NAAA: variants seen among roughly 807,000 people sequenced by gnomAD.
The protein encoded by NAAA is N-acylethanolamine acid amidase.
In NAAA, 39 loss-of-function variants were observed where a neutral mutation model predicts 44.8. The ratio of observed to expected loss-of-function variants is 0.87; its 90% CI spans 0.67 to 1.14. The LOEUF (loss-of-function observed/expected upper bound fraction) is 1.14. Ranked by LOEUF, NAAA falls within the 50% of genes most tolerant of loss-of-function variation. The pLI is 0.00. For missense variants in NAAA, 460 were observed against 467.8 expected (o/e 0.98, Z 0.15); for synonymous variants, 178 against 191.3 (o/e 0.93, Z 0.58).
chr4:75,914,825 C>G, intron 10 of NAAA, 43 bp downstream of exon 10: 1 of 1,443,510 alleles, frequency 6.9e-7, no homozygotes, highest in Non-Finnish European at 9.7e-7. Flanking sequence ...AATACCAGCA[C>G]ACACCCACCT....
chr4:75,918,279 C>A (rs1223221189), intron 9 of NAAA, among the ~76,000 whole-genome samples: 1 of 152,134 alleles, frequency 6.6e-6, no homozygotes, highest in Admixed American at 6.6e-5. Flanking sequence ...CGGTGAAACC[C>A]TGTCCCTACT....
chr4:75,918,659 TG>T, intron 9 of NAAA, 101 bp downstream of exon 9: 1 of 1,202,834 alleles, frequency 8.3e-7, no homozygotes, highest in Non-Finnish European at 1.2e-6. Context: ...CCCCACAGCC[TG>T]GTTACAGGAG....
chr4:75,917,424 A>G (rs1000821780), intron 9 of NAAA: 1 of 152,286 alleles, frequency 6.6e-6, no homozygotes, highest in African/African-American at 2.4e-5. Flanking sequence ...TTATCCAAAT[A>G]GCTCATTTGT....
chr4:75,923,675 G>A (rs992781188), intron 5 of NAAA, among the ~76,000 whole-genome samples: 2 of 151,294 alleles, frequency 1.3e-5, no homozygotes, highest in South Asian at 4.2e-4. Context: ...AAGGGGCTGG[G>A]ATTACAGACA....
intron 3 of NAAA, among the ~76,000 whole-genome samples, chr4:75,932,898 G>A (rs1007510725): frequency 6.6e-6 from 1 of 152,082 alleles, no homozygotes; most frequent in South Asian, 2.1e-4. Context: ...ACTTTGGGAG[G>A]CCAAGGTAGG....
At chr4:75,919,540 G>A (rs1454021081) in intron 8 of NAAA, 8 of 274,778 alleles carry the variant, frequency 2.9e-5, no homozygotes, top group Admixed American at 5.4e-5. Flanking sequence ...GTGCAGTGGC[G>A]CAATCTCGGC....
At chr4:75,932,735 C>T (rs1727347285) in intron 3 of NAAA, among the ~76,000 whole-genome samples, 1 of 152,172 alleles carries the variant, frequency 6.6e-6, no homozygotes, top group African/African-American at 2.4e-5. Flanking sequence ...AACTCCTGGG[C>T]TCAAGCAATC....
At chr4:75,917,782 A>G in intron 9 of NAAA, 1 of 432,090 alleles carries the variant, frequency 2.3e-6, no homozygotes, top group Middle Eastern at 3.5e-4. Context: ...CACTTAAAAA[A>G]AAAAAAAAAA....
rs375088378 is a variant in NAAA at position 75,921,137 on chromosome 4, T to A, written c.667-14A>T. ...CTCACTCAGGGTCTGAACGAAAGGATGAACTTGCGTGAGCAACCCCACCTG... is the reference window on the plus strand; with the variant it reads ...CTCACTCAGGGTCTGAACGAAAGGAAGAACTTGCGTGAGCAACCCCACCTG... On this transcript the variant is annotated splice_polypyrimidine_tract_variant and intron_variant, in intron 5 of 10. Coordinates refer to ENST00000286733, the MANE Select transcript of NAAA (RefSeq NM_014435.4). 92 of 1,553,674 alleles carry A rather than the reference T, an allele frequency of 5.9e-5. No individual in the cohort carries two copies. In the African/African-American group the frequency reaches 1.0e-3, roughly 17 times the overall value.
At chr4:75,935,947 C>T in intron 3 of NAAA, 162 bp downstream of exon 3, 1 of 761,020 alleles carries the variant, frequency 1.3e-6, no homozygotes, top group Non-Finnish European at 2.1e-6. Context: ...TTCCTATAAG[C>T]ATAATTGATG....
chr4:75,935,482 G>A (rs28532601), intron 3 of NAAA: 31,285 of 152,178 alleles, frequency 0.21, 3,655 homozygotes, highest in East Asian at 0.35. Flanking sequence ...ATAAACAAAA[G>A]ATCTAAGTAT....
At chr4:75,922,317 G>T (rs1424578288) in intron 5 of NAAA, among the ~76,000 whole-genome samples, 1 of 151,228 alleles carries the variant, frequency 6.6e-6, no homozygotes, top group Non-Finnish European at 1.5e-5. Context: ...GATGAAGGTT[G>T]CAGTGAGCCG....
downstream of NAAA, among the ~76,000 whole-genome samples, chr4:75,910,708 C>A (rs569597746): frequency 6.6e-6 from 1 of 152,318 alleles, no homozygotes; most frequent in East Asian, 1.9e-4. Flanking sequence ...ACAAAAGACA[C>A]AAACTTGAAA....
rs375410270 is a variant in NAAA, at chr4:75,936,182, C to T, written c.425G>A (p.Arg142Gln). The T allele has an allele frequency of 1.2e-5, 19 of 1,613,834 alleles. No individual in the cohort carries two copies. The highest frequency in any genetic ancestry group is 4.0e-5 in the African/African-American group (3 of 74,866). ...QDSRGHIYHG[R>Q]NLDYPFGNVL... ...ATTCCCAAAAGGATAATCCAAATTC[C>T]GACCATGGTAAATGTGGCCTCTGGA... is the stretch of plus-strand genomic sequence containing the variant. The change falls in exon 3 of 11, where the codon CGG becomes CAG. Residue 142 changes from arginine (R) to glutamine (Q), a missense_variant. By Grantham distance (43) the Arg-to-Gln change is conservative (BLOSUM62 1). Coordinates refer to ENST00000286733, the MANE Select transcript of NAAA (RefSeq NM_014435.4).
At chr4:75,921,838 C>T (rs541141656) in intron 5 of NAAA, among the ~76,000 whole-genome samples, 46 of 152,166 alleles carry the variant, frequency 3.0e-4, no homozygotes, top group African/African-American at 1.1e-3. Context: ...ACATTAGCGC[C>T]CTGAGCTTAA....
intron 5 of NAAA, 23 bp downstream of exon 5, chr4:75,925,712 G>T (rs373362029): frequency 2.5e-5 from 40 of 1,607,934 alleles, no homozygotes; most frequent in Non-Finnish European, 3.2e-5. Flanking sequence ...AGTTAAGGAG[G>T]GCTCCACATT....
At chr4:75,920,913 T>G in intron 6 of NAAA, 38 bp downstream of exon 6, 3 of 1,613,516 alleles carry the variant, frequency 1.9e-6, no homozygotes, top group Non-Finnish European at 2.5e-6. Flanking sequence ...AAAATGATTA[T>G]CTGATACAAA....
chr4:75,939,832 G>A lies in NAAA; in HGVS notation c.371+169C>T, dbSNP rs897452086. 7.3e-5 allele frequency: 50 copies of A among 681,376 alleles called. 1 individual carries two copies. The Middle Eastern group carries it at 1.7e-3, about 23-fold the overall frequency. 42.2% of individuals were successfully genotyped at this position (681,376 alleles called of 1,614,324 possible). On this transcript the variant is annotated intron_variant, in intron 2 of 10. Transcript: ENST00000286733. ...ATCTGCTTTCCCTCTCGAAGCCTACGATGTGCAGCTCAGATTTACCCAGAG... is the reference window on the plus strand; with the variant it reads ...ATCTGCTTTCCCTCTCGAAGCCTACAATGTGCAGCTCAGATTTACCCAGAG...
At position 75,919,760 on chromosome 4, in the gene NAAA, G is replaced by A. The variant is rs975732885; in HGVS notation, c.969+149C>T. 4 of 769,370 alleles carry A rather than the reference G, an allele frequency of 5.2e-6. No homozygotes were observed. The African/African-American group carries it at 6.9e-5, about 13-fold the overall frequency. 47.7% of individuals were successfully genotyped at this position (769,370 alleles called of 1,614,324 possible). A position where few individuals can be genotyped will look rare whatever the true frequency, so the allele number is the denominator to read the frequency against. ...CCCAAAGTGCTGGGATTACAGGTGT[G>A]AGCCACCACTTTTAATACATGATTT... On this transcript the variant is annotated intron_variant, in intron 8 of 10. Transcript: ENST00000286733.
Sources: allele counts gnomAD v4.1 joint callset (sites outside exome capture counted in the v4.1 genomes callset), GRCh38; gene constraint gnomAD v4.1.1; transcripts MANE v1.5; gene names NCBI Gene and HGNC (gene_info 2026-07-23, HGNC 2026-07-21).